Variants in PTK2 observed in about 807,000 individuals in gnomAD.
PTK2 encodes protein tyrosine kinase 2.
PTK2 carries 45 observed loss-of-function variants against 150.1 expected under a neutral mutation model. That is an observed-to-expected ratio of 0.30 (90% CI 0.24 to 0.38). PTK2 has a LOEUF of 0.38. Ranked by LOEUF, PTK2 falls within the 10% of genes least tolerant of loss-of-function variation. PTK2 has a pLI of 1.00. For synonymous variants in PTK2, 432 were observed against 449.2 expected (o/e 0.96, Z 0.48); for missense variants, 919 against 1,307.3 (o/e 0.70, Z 4.58).
At chr8:140,793,501 A>G in intron 12 of PTK2, 117 bp from the exon 13 acceptor site, 5 of 1,089,654 alleles carry the variant, frequency 4.6e-6, no homozygotes, top group Non-Finnish European at 6.6e-6. Context: ...ATGACCCTTT[A>G]AAGAAAGTTG....
intron 10 of PTK2, among the ~76,000 whole-genome samples, chr8:140,812,637 T>C (rs756334434): frequency 6.6e-6 from 1 of 152,098 alleles, no homozygotes; most frequent in African/African-American, 2.4e-5. Flanking sequence ...TCAAAATACC[T>C]ATCTCACATG....
intron 13 of PTK2, among the ~76,000 whole-genome samples, chr8:140,790,284 C>T (rs2100087689): frequency 6.6e-6 from 1 of 152,122 alleles, no homozygotes; most frequent in Non-Finnish European, 1.5e-5. Flanking sequence ...TATCTCTTAT[C>T]CACAATGCTT....
chr8:140,683,222 A>T (rs2100018035), intron 27 of PTK2, among the ~76,000 whole-genome samples: 1 of 152,192 alleles, frequency 6.6e-6, no homozygotes, highest in South Asian at 2.1e-4. Flanking sequence ...CATTATGAAC[A>T]ACTCTATGCA....
chr8:140,789,412 C>T, intron 14 of PTK2, 62 bp downstream of exon 14: 1 of 1,496,108 alleles, frequency 6.7e-7, no homozygotes. Context: ...TAAAAATAGA[C>T]ATCTATGATC....
At chr8:140,728,687 T>G (rs529898383) in intron 22 of PTK2, among the ~76,000 whole-genome samples, 1 of 152,180 alleles carries the variant, frequency 6.6e-6, no homozygotes, top group East Asian at 1.9e-4. Flanking sequence ...GCCCGGCTAT[T>G]TTTTTGTATT....
At chr8:140,752,659 A>G (rs2100063461) in intron 16 of PTK2, among the ~76,000 whole-genome samples, 1 of 152,262 alleles carries the variant, frequency 6.6e-6, no homozygotes, top group Admixed American at 6.5e-5. Flanking sequence ...CACTCCAGTG[A>G]GGAACACAGA....
chr8:140,909,348 G>A (rs961197264), intron 2 of PTK2, among the ~76,000 whole-genome samples: 2 of 152,140 alleles, frequency 1.3e-5, no homozygotes, highest in East Asian at 1.9e-4. Context: ...GAGCCATTAC[G>A]TACTTTCCAT....
At chr8:140,950,009 C>T (rs1267515825) in intron 1 of PTK2, among the ~76,000 whole-genome samples, 1 of 10,518 alleles carries the variant, frequency 9.5e-5, no homozygotes, top group Non-Finnish European at 3.1e-4. Flanking sequence ...CAGGAAGGAG[C>T]TACCCACTTT....
intron 7 of PTK2, among the ~76,000 whole-genome samples, chr8:140,835,837 G>A (rs1447446977): frequency 6.6e-6 from 1 of 152,162 alleles, no homozygotes; most frequent in African/African-American, 2.4e-5. Flanking sequence ...CCCTGTGTCT[G>A]TGTGGGGTTT....
chr8:140,939,487 C>T (rs1295234600), intron 1 of PTK2, among the ~76,000 whole-genome samples: 2 of 152,182 alleles, frequency 1.3e-5, no homozygotes, highest in Non-Finnish European at 2.9e-5. Flanking sequence ...CCACACAAAT[C>T]CAACAGGTAG....
chr8:140,759,966 G>A (rs2100068443), intron 16 of PTK2, among the ~76,000 whole-genome samples: 2 of 152,006 alleles, frequency 1.3e-5, no homozygotes, highest in African/African-American at 4.8e-5. Context: ...GCTCACACCT[G>A]TAATCCCAGC....
intron 1 of PTK2, among the ~76,000 whole-genome samples, chr8:140,962,446 C>T (rs1474690515): frequency 1.3e-5 from 2 of 152,150 alleles, no homozygotes; most frequent in Non-Finnish European, 2.9e-5. Context: ...TATCAGTATA[C>T]TATGCCTACT....
chr8:140,766,729 G>C (rs2100072507), intron 14 of PTK2, among the ~76,000 whole-genome samples: 1 of 152,222 alleles, frequency 6.6e-6, no homozygotes, highest in Non-Finnish European at 1.5e-5. Flanking sequence ...GATTTAATCT[G>C]TGTGAGGCAG....
chr8:140,877,117 C>A (rs2154606996), intron 4 of PTK2, among the ~76,000 whole-genome samples: 1 of 150,012 alleles, frequency 6.7e-6, no homozygotes. Flanking sequence ...ACTGCAACCT[C>A]CGCCTCCCAG....
At chr8:140,867,990 C>T (rs78035405) in intron 4 of PTK2, among the ~76,000 whole-genome samples, 1 of 152,290 alleles carries the variant, frequency 6.6e-6, no homozygotes, top group East Asian at 1.9e-4. Flanking sequence ...CCCTGCTATA[C>T]GCCTCTCCAT....
chr8:140,932,484 G>A (rs1019170928), intron 1 of PTK2, among the ~76,000 whole-genome samples: 13 of 152,234 alleles, frequency 8.5e-5, no homozygotes, highest in Non-Finnish European at 1.3e-4. Flanking sequence ...CCAAAGTGCT[G>A]GGATTACAGA....
intron 30 of PTK2, among the ~76,000 whole-genome samples, chr8:140,666,240 A>G (rs1012504800): frequency 2.6e-5 from 4 of 152,174 alleles, no homozygotes; most frequent in Non-Finnish European, 5.9e-5. Flanking sequence ...CGGGAAGCTG[A>G]GGCAGCAGAA....
chr8:140,901,649 CTTTT>C lies in PTK2; in HGVS notation c.-32-10884_-32-10881del, dbSNP rs556569172. On this transcript the variant is annotated intron_variant, in intron 2 of 31. Transcript: ENST00000522684. ...CTTGGGCAAGAAAGCAAGATCCTGTCTTTTTTTTTTTTTTTTTAAATACTTTTAA... is the reference window on the plus strand; with the variant it reads ...CTTGGGCAAGAAAGCAAGATCCTGTCTTTTTTTTTTTTTAAATACTTTTAA... Among the ~76,000 whole-genome samples, 11 of 136,590 alleles carry C rather than the reference CTTTT, an allele frequency of 8.1e-5. No individual in the cohort carries two copies. In the East Asian group the frequency reaches 1.1e-3, roughly 13 times the overall value. 89.6% of individuals were successfully genotyped at this position (136,590 alleles called of 152,430 possible).
chr8:140,900,624 A>G (rs2100158077), intron 2 of PTK2, among the ~76,000 whole-genome samples: 1 of 152,056 alleles, frequency 6.6e-6, no homozygotes, highest in Non-Finnish European at 1.5e-5. Context: ...CGAGAAGCTG[A>G]GCCATCAGAA....
Sources: allele counts gnomAD v4.1 joint callset (sites outside exome capture counted in the v4.1 genomes callset), GRCh38; gene constraint gnomAD v4.1.1; transcripts MANE v1.5; gene names NCBI Gene and HGNC (gene_info 2026-07-23, HGNC 2026-07-21).